The following IKZF2 variants were observed in gnomAD, a reference collection of about 807,000 sequenced individuals.
The protein encoded by IKZF2 is zinc finger protein Helios.
In IKZF2, 15 loss-of-function variants were observed where a neutral mutation model predicts 49.2. The observed-to-expected ratio is 0.30, with a 90% CI of 0.20 to 0.47. The LOEUF is 0.47. IKZF2 is among the 20% of genes least tolerant of loss of function. The probability of loss-of-function intolerance (pLI) is 1.00; values close to 1 mark genes in which losing one functional copy is unlikely to be tolerated. For synonymous variants in IKZF2, 227 were observed against 221.4 expected, an observed-to-expected ratio of 1.03 and a Z score of -0.23; for missense variants, 567 against 664.6, an observed-to-expected ratio of 0.85 and a Z score of 1.61.
intron 5 of IKZF2, among the ~76,000 whole-genome samples, chr2:213,052,523 G>A (rs568314351): frequency 6.6e-6 from 1 of 152,038 alleles, no homozygotes; most frequent in East Asian, 1.9e-4. Flanking sequence ...TCCTGTTGAT[G>A]TCTTGATTAT....
At chr2:213,097,432 AT>A (rs1419812251) in intron 4 of IKZF2, among the ~76,000 whole-genome samples, 24 of 152,100 alleles carry the variant, frequency 1.6e-4, no homozygotes, top group Non-Finnish European at 3.1e-4. Context: ...TCTCTGGGCT[AT>A]TTTTTCCCCA....
chr2:213,065,988 C>T (rs559943569), intron 4 of IKZF2, among the ~76,000 whole-genome samples: 1 of 152,204 alleles, frequency 6.6e-6, no homozygotes, highest in African/African-American at 2.4e-5. Flanking sequence ...AGAAGACCAG[C>T]TTACACTGCC....
intron 6 of IKZF2, among the ~76,000 whole-genome samples, chr2:213,038,217 C>T (rs1699232208): frequency 1.3e-5 from 2 of 152,044 alleles, no homozygotes; most frequent in African/African-American, 4.8e-5. Context: ...TGCCACCACG[C>T]CCAGCTAATT....
chr2:213,049,428 G>A (rs1409223628), intron 6 of IKZF2, among the ~76,000 whole-genome samples: 1 of 151,802 alleles, frequency 6.6e-6, no homozygotes, highest in East Asian at 1.9e-4. Flanking sequence ...ATTCTTAATT[G>A]TAAAATTTTA....
intron 4 of IKZF2, among the ~76,000 whole-genome samples, chr2:213,117,780 T>G (rs2059924673): frequency 6.6e-6 from 1 of 152,242 alleles, no homozygotes; most frequent in East Asian, 1.9e-4. Flanking sequence ...TTCCTCATAG[T>G]GTTAGTTTGT....
At chr2:213,075,520 T>C (rs1259657559) in intron 4 of IKZF2, among the ~76,000 whole-genome samples, 1 of 152,152 alleles carries the variant, frequency 6.6e-6, no homozygotes, top group Admixed American at 6.5e-5. Flanking sequence ...TAGAAGTTTA[T>C]TTTTTAAAGT....
rs754284277 is a variant in IKZF2 at position 213,002,892 on chromosome 2, A to C, written c.*4468T>G. The stretch of plus-strand genomic sequence containing the variant: ...AGAACTTATTCTTCCTTAAAAACAA[A>C]ACAAAAACACAAATTATAATTCAAT... On this transcript the variant is annotated 3_prime_UTR_variant, in exon 9 of 9. Coordinates refer to ENST00000434687, the MANE Select transcript of IKZF2 (RefSeq NM_001387220.1). 1.2e-4 allele frequency: 18 copies of C among 151,998 alleles called. No homozygotes were observed. The highest frequency in any genetic ancestry group is 2.1e-4 in the Non-Finnish European group (14 of 67,616). The allele number at this position is 151,998 out of a possible 1,614,324, so 9.4% of individuals were successfully genotyped here. A position where few individuals can be genotyped will look rare whatever the true frequency, so the allele number is the denominator to read the frequency against.
rs565638889 is a variant in IKZF2 at position 213,136,648 on chromosome 2, G to A, written c.139+11060C>T. ...GGCTCCATACTTTCTTTTAGAGGAT[G>A]GTTGACTGAATTCATTGGTCTTTTC... On this transcript the variant is annotated intron_variant, in intron 4 of 8. Transcript: ENST00000434687. 8.6e-5 allele frequency among the ~76,000 whole-genome samples: 13 copies of A among 151,936 alleles called. No individual in the cohort carries two copies. In the East Asian group the frequency reaches 2.1e-3, roughly 25 times the overall value.
intron 4 of IKZF2, among the ~76,000 whole-genome samples, chr2:213,092,429 A>G (rs577096915): frequency 6.6e-6 from 1 of 152,272 alleles, no homozygotes; most frequent in African/African-American, 2.4e-5. Context: ...ATAGCTGGCT[A>G]GAGTTCTCAC....
intron 4 of IKZF2, among the ~76,000 whole-genome samples, chr2:213,072,513 G>A (rs1015959753): frequency 6.6e-6 from 1 of 151,982 alleles, no homozygotes; most frequent in Admixed American, 6.6e-5. Flanking sequence ...ACTTATCCCT[G>A]TAGTGGAATA....
At chr2:213,135,458 G>A (rs1045218427) in intron 4 of IKZF2, among the ~76,000 whole-genome samples, 4 of 151,516 alleles carry the variant, frequency 2.6e-5, no homozygotes, top group Non-Finnish European at 4.4e-5. Flanking sequence ...AGGCTGAGGC[G>A]GGAGAATCAC....
At chr2:213,066,894 TA>T (rs1702215966) in intron 4 of IKZF2, among the ~76,000 whole-genome samples, 1 of 152,118 alleles carries the variant, frequency 6.6e-6, no homozygotes, top group African/African-American at 2.4e-5. Context: ...CTTACTTATA[TA>T]AATGTTGGAA....
rs1232805304 is a variant in IKZF2, at chr2:213,004,837, T to A, written c.*2523A>T. 6.6e-6 allele frequency: 1 copy of A among 152,350 alleles called. No individual in the cohort carries two copies. Among genetic ancestry groups the A allele is most frequent in the African/African-American group, 2.4e-5 (1 of 41,402 alleles). 9.4% of individuals were successfully genotyped at this position (152,350 alleles called of 1,614,324 possible). A position where few individuals can be genotyped will look rare whatever the true frequency, so the allele number is the denominator to read the frequency against. On this transcript the variant is annotated 3_prime_UTR_variant, in exon 9 of 9. Coordinates refer to ENST00000434687, the MANE Select transcript of IKZF2 (RefSeq NM_001387220.1). The stretch of plus-strand genomic sequence containing the variant: ...GATACAAGTATATGCTTGTAGCAAA[T>A]GCACTCTCAACTACTAACTACCTTC...
chr2:213,040,243 GT>G (rs34629514), intron 6 of IKZF2, among the ~76,000 whole-genome samples: 13,239 of 141,456 alleles, frequency 0.094, 1,621 homozygotes, highest in African/African-American at 0.29. Flanking sequence ...TGTGTCATGG[GT>G]TTTTTTTTTT....
In IKZF2 at chr2:213,134,375, G is replaced by A. The variant is rs1032168728; in HGVS notation, c.139+13333C>T. Among the ~76,000 whole-genome samples, 3 of 152,126 alleles carry A rather than the reference G, an allele frequency of 2.0e-5. No homozygotes were observed. The South Asian group carries it at 6.2e-4, about 32-fold the overall frequency. ...AACTAAAGTAAAAAGACAACTGAGG[G>A]GCAAGATCAAAGTTTACCGCATCCA... On this transcript the variant is annotated intron_variant, in intron 4 of 8. Coordinates refer to ENST00000434687, the MANE Select transcript of IKZF2 (RefSeq NM_001387220.1).
At chr2:213,103,848 T>C (rs1438199802) in intron 4 of IKZF2, among the ~76,000 whole-genome samples, 2 of 152,080 alleles carry the variant, frequency 1.3e-5, no homozygotes, top group Non-Finnish European at 2.9e-5. Flanking sequence ...GTTACAAATA[T>C]AGTGATATCA....
At chr2:213,124,170 T>C (rs1006997546) in intron 4 of IKZF2, among the ~76,000 whole-genome samples, 7 of 151,918 alleles carry the variant, frequency 4.6e-5, no homozygotes, top group African/African-American at 1.4e-4. Flanking sequence ...TTTAAGTAAC[T>C]GATTCAAGGA....
chr2:213,014,121 A>G (rs1482305834), intron 7 of IKZF2, 187 bp from the exon 8 acceptor site: 1 of 446,918 alleles, frequency 2.2e-6, no homozygotes, highest in Non-Finnish European at 4.0e-6. Flanking sequence ...ACACCAGAGG[A>G]TTTGTTTTTA....
chr2:213,133,396 G>A (rs545542791), intron 4 of IKZF2, among the ~76,000 whole-genome samples: 3 of 152,250 alleles, frequency 2.0e-5, no homozygotes, highest in East Asian at 3.9e-4. Context: ...ACCACAGAGG[G>A]AGAGAAACAG....
Sources: allele counts gnomAD v4.1 joint callset (sites outside exome capture counted in the v4.1 genomes callset), GRCh38; gene constraint gnomAD v4.1.1; transcripts MANE v1.5; gene names NCBI Gene and HGNC (gene_info 2026-07-23, HGNC 2026-07-21).